Variants in PAPSS2 observed in about 807,000 individuals in gnomAD.
PAPSS2 encodes the protein 3'-phosphoadenosine 5'-phosphosulfate synthase 2.
PAPSS2 carries 61 observed loss-of-function variants against 66.5 expected under a neutral mutation model. The ratio of observed to expected loss-of-function variants is 0.92; its 90% confidence interval spans 0.75 to 1.14. The LOEUF (loss-of-function observed/expected upper bound fraction) is 1.14, where lower values mean the gene tolerates loss of function less well. Ranked by LOEUF, PAPSS2 falls within the 50% of genes most tolerant of loss-of-function variation. The pLI, the probability that PAPSS2 is intolerant of heterozygous loss-of-function variation, is 0.00. For synonymous variants in PAPSS2, 289 were observed against 287.5 expected, an observed-to-expected ratio of 1.01 and a Z score of -0.05; for missense variants, 708 against 789.6, an observed-to-expected ratio of 0.90 and a Z score of 1.24.
At chr10:87,660,272 G>A in intron 1 of PAPSS2, 3 of 595,810 alleles carry the variant, frequency 5.0e-6, no homozygotes, top group Admixed American at 3.0e-5. Context: ...GACCTCCCGA[G>A]CTTCTCAAGT....
At chr10:87,664,264 A>C (rs1055020500) in intron 1 of PAPSS2, among the ~76,000 whole-genome samples, 5 of 152,200 alleles carry the variant, frequency 3.3e-5, no homozygotes, top group African/African-American at 1.2e-4. Flanking sequence ...AGAAATATAG[A>C]GGTGACAATT....
At chr10:87,672,598 G>A (rs1271879497) in intron 1 of PAPSS2, among the ~76,000 whole-genome samples, 1 of 152,116 alleles carries the variant, frequency 6.6e-6, no homozygotes, top group African/African-American at 2.4e-5. Context: ...CTGCCTACAT[G>A]TCATCCTGAT....
chr10:87,685,353 T>C (rs915003185), intron 1 of PAPSS2, among the ~76,000 whole-genome samples: 3 of 152,210 alleles, frequency 2.0e-5, no homozygotes, highest in Admixed American at 2.0e-4. Context: ...TTCTCTTTAA[T>C]GTTTGTAGGA....
intron 1 of PAPSS2, among the ~76,000 whole-genome samples, chr10:87,701,388 CTTTCTTTCTCTTTCTT>C (rs1564716828): frequency 1.7e-3 from 135 of 81,774 alleles, no homozygotes; most frequent in Non-Finnish European, 1.9e-3. Flanking sequence ...TTCTTTCTTT[CTTTCTTTCTCTTTCTT>C]TCTCTCTCTC....
At chr10:87,724,322 A>T (rs1853631660) in intron 8 of PAPSS2, among the ~76,000 whole-genome samples, 1 of 151,984 alleles carries the variant, frequency 6.6e-6, no homozygotes, top group Non-Finnish European at 1.5e-5. Context: ...AGGAACTTTT[A>T]AAAATGACTC....
At chr10:87,671,361 T>C (rs566175111) in intron 1 of PAPSS2, among the ~76,000 whole-genome samples, 1 of 152,320 alleles carries the variant, frequency 6.6e-6, no homozygotes, top group South Asian at 2.1e-4. Flanking sequence ...TTAGAAGATG[T>C]AGATTTTAGC....
chr10:87,699,869 A>G (rs932527849), intron 1 of PAPSS2, among the ~76,000 whole-genome samples: 17 of 151,724 alleles, frequency 1.1e-4, no homozygotes, highest in Admixed American at 8.5e-4. Flanking sequence ...TGGTTGAGAA[A>G]TTCTTTATAT....
chr10:87,734,936 T>C (rs903411814), intron 9 of PAPSS2, among the ~76,000 whole-genome samples: 6 of 151,904 alleles, frequency 3.9e-5, no homozygotes, highest in Non-Finnish European at 8.8e-5. Context: ...TTTTGAGTCT[T>C]CCTCTCCTTG....
At chr10:87,732,535 A>C (rs1853742230) in intron 9 of PAPSS2, among the ~76,000 whole-genome samples, 1 of 152,116 alleles carries the variant, frequency 6.6e-6, no homozygotes, top group Non-Finnish European at 1.5e-5. Context: ...AAAAAAAAAA[A>C]AGTTTAGATA....
At chr10:87,666,865 G>C (rs766805879) in intron 1 of PAPSS2, among the ~76,000 whole-genome samples, 3 of 151,852 alleles carry the variant, frequency 2.0e-5, no homozygotes, top group African/African-American at 7.3e-5. Context: ...GAGCTCTGGG[G>C]GCTGCTGAAA....
At position 87,713,452 on chromosome 10, in the gene PAPSS2, A is replaced by G. The variant is rs1051075686; in HGVS notation, c.381+142A>G. The G allele has an allele frequency of 5.7e-5, 37 of 651,460 alleles. 1 individual carries two copies. The highest frequency in any genetic ancestry group is 4.1e-4 in the Middle Eastern group (1 of 2,432). 40.4% of individuals were successfully genotyped at this position (651,460 alleles called of 1,614,324 possible). A position where few individuals can be genotyped will look rare whatever the true frequency, so the allele number is the denominator to read the frequency against. ...AATTTCCCGACTATTTCTTCCCCCA[A>G]TAACAGGCTCTCTCATTTCCTCTAT... is the stretch of plus-strand genomic sequence containing the variant. On this transcript the variant is annotated intron_variant, in intron 3 of 12. Coordinates refer to ENST00000456849, the MANE Select transcript of PAPSS2 (RefSeq NM_001015880.2).
chr10:87,689,843 T>C (rs917389383), intron 1 of PAPSS2, among the ~76,000 whole-genome samples: 3 of 151,974 alleles, frequency 2.0e-5, no homozygotes, highest in African/African-American at 7.3e-5. Context: ...TAATAAAAGG[T>C]GTAAGGTGTA....
intron 1 of PAPSS2, among the ~76,000 whole-genome samples, chr10:87,671,990 T>C (rs1319739931): frequency 6.6e-6 from 1 of 152,214 alleles, no homozygotes; most frequent in Non-Finnish European, 1.5e-5. Context: ...GCGGAGTTCC[T>C]CTGGGCATGC....
At chr10:87,710,514 C>T (rs765729235) in intron 2 of PAPSS2, among the ~76,000 whole-genome samples, 14 of 152,186 alleles carry the variant, frequency 9.2e-5, no homozygotes, top group Non-Finnish European at 1.3e-4. Context: ...TCCCTTCATG[C>T]GAAGATCACT....
At chr10:87,694,316 A>G (rs1853206285) in intron 1 of PAPSS2, among the ~76,000 whole-genome samples, 1 of 152,240 alleles carries the variant, frequency 6.6e-6, no homozygotes, top group Non-Finnish European at 1.5e-5. Flanking sequence ...TGGGGTTGAC[A>G]ATGACATCTA....
At chr10:87,716,582 G>A (rs984406534) in intron 7 of PAPSS2, among the ~76,000 whole-genome samples, 3 of 152,180 alleles carry the variant, frequency 2.0e-5, no homozygotes, top group African/African-American at 7.2e-5. Flanking sequence ...CGCTGAATTT[G>A]TAATGCTGAG....
intron 9 of PAPSS2, among the ~76,000 whole-genome samples, chr10:87,738,389 T>C (rs1345570547): frequency 1.3e-5 from 2 of 149,624 alleles, no homozygotes; most frequent in Non-Finnish European, 3.0e-5. Flanking sequence ...ACACCAACAC[T>C]TGTTTTTTTT....
intron 1 of PAPSS2, among the ~76,000 whole-genome samples, chr10:87,679,373 CAG>C (rs1266198508): frequency 6.6e-6 from 1 of 152,134 alleles, no homozygotes; most frequent in African/African-American, 2.4e-5. Context: ...TACAGCAGAG[CAG>C]AGTGACTATA....
chr10:87,660,804 G>GAAAAAAA (rs61018901), intron 1 of PAPSS2, among the ~76,000 whole-genome samples: 1 of 114,104 alleles, frequency 8.8e-6, no homozygotes, highest in Non-Finnish European at 1.8e-5. Flanking sequence ...CCAATAAACT[G>GAAAAAAA]AAAAAAAAAA....
Sources: gnomAD v4.1 joint callset for allele counts (sites outside exome capture counted in the v4.1 genomes callset) on GRCh38, gnomAD v4.1.1 for gene constraint, MANE v1.5 for transcripts, NCBI Gene and HGNC (gene_info 2026-07-23, HGNC 2026-07-21) for gene names.